Variants in PIP4K2B observed in about 807,000 individuals in gnomAD.
The protein encoded by PIP4K2B is phosphatidylinositol-5-phosphate 4-kinase type 2 beta, also known as phosphatidylinositol 5-phosphate 4-kinase type-2 beta.
A neutral mutation model predicts 42.0 loss-of-function variants in PIP4K2B; 3 were observed. The ratio of observed to expected loss-of-function variants is 0.07; its 90% CI spans 0.03 to 0.18. The LOEUF (loss-of-function observed/expected upper bound fraction) is 0.18, where lower values mean the gene tolerates loss of function less well. Ranked by LOEUF, PIP4K2B falls within the 10% of genes least tolerant of loss-of-function variation. The pLI, the probability that PIP4K2B is intolerant of heterozygous loss-of-function variation, is 1.00. For synonymous variants in PIP4K2B, 204 were observed against 210.1 expected, an observed-to-expected ratio of 0.97 and a Z score of 0.25; for missense variants, 332 against 562.3, an observed-to-expected ratio of 0.59 and a Z score of 4.14.
intron 4 of PIP4K2B, 56 bp downstream of exon 4, chr17:38,780,396 T>C: frequency 3.3e-6 from 5 of 1,501,706 alleles, no homozygotes; most frequent in Non-Finnish European, 4.5e-6. Context: ...CCCCCAGGGC[T>C]CTCTTCTCCC....
At chr17:38,770,915 G>T in intron 8 of PIP4K2B, 99 bp downstream of exon 8, 1 of 1,342,096 alleles carries the variant, frequency 7.5e-7, no homozygotes, top group Non-Finnish European at 1.0e-6. Flanking sequence ...AGCAATGAAT[G>T]AGGTGGAGGT....
chr17:38,789,562 T>A (rs556409471), intron 1 of PIP4K2B, among the ~76,000 whole-genome samples: 6 of 152,204 alleles, frequency 3.9e-5, no homozygotes, highest in Non-Finnish European at 7.3e-5. Flanking sequence ...CTAGAGTCAT[T>A]AGAACTCCTC....
chr17:38,791,443 C>T (rs1200787059), intron 1 of PIP4K2B, among the ~76,000 whole-genome samples: 1 of 91,514 alleles, frequency 1.1e-5, no homozygotes, highest in Non-Finnish European at 2.0e-5. Context: ...TGAGATAGAG[C>T]TTTGCTCTGG....
chr17:38,791,439 A>G lies in PIP4K2B; in HGVS notation c.160-4519T>C, dbSNP rs1457472839. On this transcript the variant is annotated intron_variant, in intron 1 of 9. Transcript: ENST00000619039. ...TTTTTTTTTTTTTTTTTTTTGAGATAGAGCTTTGCTCTGGTTTCCCAGGCT... is the reference window on the plus strand; with the variant it reads ...TTTTTTTTTTTTTTTTTTTTGAGATGGAGCTTTGCTCTGGTTTCCCAGGCT... Among the ~76,000 whole-genome samples the G allele has an allele frequency of 4.2e-5, 3 of 71,938 alleles. No individual in the cohort carries two copies. The East Asian group carries it at 1.3e-3, about 31-fold the overall frequency. 47.2% of individuals were successfully genotyped at this position (71,938 alleles called of 152,430 possible). A position where few individuals can be genotyped will look rare whatever the true frequency, so the allele number is the denominator to read the frequency against.
intron 7 of PIP4K2B, 149 bp downstream of exon 7, chr17:38,777,538 G>A: frequency 3.2e-6 from 2 of 627,662 alleles, no homozygotes; most frequent in South Asian, 4.0e-5. Context: ...ACTTGCTTTA[G>A]GTGCCCATAA....
chr17:38,784,202 T>C (rs749433132), intron 3 of PIP4K2B, 41 bp downstream of exon 3: 3 of 1,223,688 alleles, frequency 2.5e-6, no homozygotes, highest in East Asian at 4.7e-5. Context: ...CTGACCCCAT[T>C]CCATTCCCTA....
At chr17:38,776,339 G>A (rs1909341928) in intron 7 of PIP4K2B, among the ~76,000 whole-genome samples, 1 of 152,176 alleles carries the variant, frequency 6.6e-6, no homozygotes, top group Non-Finnish European at 1.5e-5. Flanking sequence ...AACACTGATT[G>A]CCAGGGGTTA....
intron 1 of PIP4K2B, among the ~76,000 whole-genome samples, chr17:38,793,296 T>G (rs1330347747): frequency 6.7e-6 from 1 of 148,640 alleles, no homozygotes; most frequent in Non-Finnish European, 1.5e-5. Flanking sequence ...CAGGCTGGAG[T>G]GCAATGCCGC....
At chr17:38,772,593 C>CT (rs149879589) in intron 7 of PIP4K2B, among the ~76,000 whole-genome samples, 8,608 of 152,050 alleles carry the variant, frequency 0.057, 826 homozygotes, top group African/African-American at 0.2. Flanking sequence ...AAAGTGCTTT[C>CT]TTTTTTTGAG....
intron 1 of PIP4K2B, among the ~76,000 whole-genome samples, chr17:38,796,535 A>G (rs1910668974): frequency 1.3e-5 from 2 of 152,138 alleles, no homozygotes; most frequent in Admixed American, 6.5e-5. Context: ...GCTCTTCACT[A>G]GTTCTTCCCT....
chr17:38,787,114 C>T (rs1330125567), intron 1 of PIP4K2B, among the ~76,000 whole-genome samples, 194 bp from the exon 2 acceptor site: 2 of 152,196 alleles, frequency 1.3e-5, no homozygotes, highest in African/African-American at 4.8e-5. Context: ...TGGCTCATTG[C>T]AGCCTTCACC....
At chr17:38,789,529 C>T (rs779901369) in intron 1 of PIP4K2B, among the ~76,000 whole-genome samples, 58 of 152,136 alleles carry the variant, frequency 3.8e-4, no homozygotes, top group Non-Finnish European at 8.1e-4. Flanking sequence ...CAATGAGGCC[C>T]CAGGTGGCAG....
At chr17:38,797,887 TCTGGGCATTATAC>T (rs548063081) in intron 1 of PIP4K2B, among the ~76,000 whole-genome samples, 8 of 151,574 alleles carry the variant, frequency 5.3e-5, no homozygotes, top group African/African-American at 1.7e-4. Context: ...CTCCTAGAGG[TCTGGGCATTATAC>T]CACTGGTACT....
At chr17:38,775,979 CCTTT>C in intron 7 of PIP4K2B, 2 of 447,640 alleles carry the variant, frequency 4.5e-6, no homozygotes, top group Non-Finnish European at 8.9e-6. Flanking sequence ...CTGTTTGCTT[CCTTT>C]TTTTTTTTTT....
rs1403177962 is a variant in PIP4K2B, at chr17:38,767,994, C to T, written c.*1697G>A. ...CAGCCCCAGTGAAGTCCAAGAATGC[C>T]GTCTCCATTCTTTCCTGACCTATAT... is the stretch of plus-strand genomic sequence containing the variant. On this transcript the variant is annotated 3_prime_UTR_variant, in exon 10 of 10. Coordinates refer to ENST00000619039, the MANE Select transcript of PIP4K2B (RefSeq NM_003559.5). 3 of 152,238 alleles carry T rather than the reference C, an allele frequency of 2.0e-5. No homozygotes were observed. The highest frequency in any genetic ancestry group is 7.2e-5 in the African/African-American group (3 of 41,452). The allele number at this position is 152,238 out of a possible 1,614,324, so 9.4% of individuals were successfully genotyped here.
chr17:38,781,388 C>T (rs1909703977), intron 3 of PIP4K2B, among the ~76,000 whole-genome samples: 1 of 152,026 alleles, frequency 6.6e-6, no homozygotes, highest in Admixed American at 6.6e-5. Flanking sequence ...CAAGCAGATG[C>T]CAAGGGACCT....
chr17:38,780,099 C>T (rs966509824), intron 4 of PIP4K2B, among the ~76,000 whole-genome samples: 2 of 145,116 alleles, frequency 1.4e-5, no homozygotes, highest in African/African-American at 5.0e-5. Flanking sequence ...TGCCACGGGG[C>T]TCCCTGCCTT....
chr17:38,769,641 TC>T lies in PIP4K2B; in HGVS notation c.*49del, dbSNP rs1908896986. Reference sequence around the variant, plus strand: ...ATACACCCTTCTCCCTAACTCCCGATCCCCGACCCCATATCCAGCTCTCTGG... The same window carrying T: ...ATACACCCTTCTCCCTAACTCCCGATCCCGACCCCATATCCAGCTCTCTGG... On this transcript the variant is annotated 3_prime_UTR_variant, in exon 10 of 10. Coordinates refer to ENST00000619039, the MANE Select transcript of PIP4K2B (RefSeq NM_003559.5). 9.1e-7 allele frequency: 1 copy of T among 1,104,390 alleles called. No homozygotes were observed. Among genetic ancestry groups the T allele is most frequent in the Admixed American group, 1.7e-5 (1 of 59,394 alleles). 68.4% of individuals were successfully genotyped at this position (1,104,390 alleles called of 1,614,324 possible).
intron 7 of PIP4K2B, among the ~76,000 whole-genome samples, chr17:38,774,131 T>C (rs1156768936): frequency 6.6e-6 from 1 of 152,216 alleles, no homozygotes; most frequent in African/African-American, 2.4e-5. Flanking sequence ...AACCTAAGTG[T>C]GATGGCTAAT....
Sources: allele counts gnomAD v4.1 joint callset (sites outside exome capture counted in the v4.1 genomes callset), GRCh38; gene constraint gnomAD v4.1.1; transcripts MANE v1.5; gene names NCBI Gene and HGNC (gene_info 2026-07-23, HGNC 2026-07-21).